The following F8 variants were observed in gnomAD, a reference collection of about 807,000 sequenced individuals.
F8 encodes the protein coagulation factor VIII.
In F8, 12 loss-of-function variants were observed where a neutral mutation model predicts 140.6. The ratio of observed to expected loss-of-function variants is 0.09; its 90% CI spans 0.05 to 0.14. F8 has a LOEUF of 0.14. F8 is among the 10% of genes least tolerant of loss of function. The pLI, the probability that F8 is intolerant of heterozygous loss-of-function variation, is 1.00. For synonymous variants in F8, 585 were observed against 614.6 expected (o/e 0.95, Z 0.71); for missense variants, 1,354 against 1,720.7 (o/e 0.79, Z 3.77).
chrX:154,872,585 A>G (rs993340018), intron 22 of F8, among the ~76,000 whole-genome samples: 1 of 110,874 alleles, frequency 9.0e-6, no homozygotes, highest in East Asian at 2.8e-4. Flanking sequence ...CATTAGGAGA[A>G]ATACCTAATG....
At chrX:154,852,733 C>CAA (rs138789441) in intron 25 of F8, among the ~76,000 whole-genome samples, 35 of 103,488 alleles carry the variant, frequency 3.4e-4, no homozygotes, top group African/African-American at 7.3e-4. Context: ...TTCTATTCCT[C>CAA]AAAAAAAAAA....
chrX:154,838,968 T>C (rs1051454928), intron 25 of F8, among the ~76,000 whole-genome samples: 26 of 74,759 alleles, frequency 3.5e-4, no homozygotes, highest in Non-Finnish European at 5.8e-4. Context: ...ATTTAATCGG[T>C]CTGTTCCCAC....
rs782489626 is a variant in F8 at position 154,837,705 on chromosome X, T to C, written c.6948A>G (p.Leu2316=). ...GGTAGCGAGTCAGTAACGGTGGGTCTAGAGAGTTCACCACAGGTGTGAAGG... is the reference window on the plus strand; with the variant it reads ...GGTAGCGAGTCAGTAACGGTGGGTCCAGAGAGTTCACCACAGGTGTGAAGG... ...QDSFTPVVNS[L]DPPLLTRYLR... Residue 2316 remains leucine, a synonymous_variant, in exon 26 of 26, where the codon CTA becomes CTG. Coordinates refer to ENST00000360256, the MANE Select transcript of F8 (RefSeq NM_000132.4). The C allele has an allele frequency of 5.8e-6, 7 of 1,211,509 alleles. No individual in the cohort carries two copies. The highest frequency in any genetic ancestry group is 6.7e-6 in the Non-Finnish European group (6 of 895,097).
chrX:155,002,381 G>T (rs782295566), intron 1 of F8, among the ~76,000 whole-genome samples: 1 of 111,973 alleles, frequency 8.9e-6, no homozygotes, highest in South Asian at 3.8e-4. Flanking sequence ...TGTCTGTGAT[G>T]ATGTTTCCAG....
intron 14 of F8, among the ~76,000 whole-genome samples, chrX:154,917,559 C>T (rs2073104370): frequency 8.9e-6 from 1 of 111,743 alleles, no homozygotes; most frequent in East Asian, 2.8e-4. Flanking sequence ...CTTGAAGGCC[C>T]ATGACTCTTA....
rs1420917157 is a variant in F8 at position 154,969,317 on chromosome X, A to G, written c.1009+14T>C. 1.7e-6 allele frequency: 2 copies of G among 1,177,079 alleles called. No homozygotes were observed. Among genetic ancestry groups the G allele is most frequent in the Non-Finnish European group, 2.3e-6 (2 of 865,233 alleles). Reference sequence around the variant, plus strand: ...GATATTTATAATATTCATTTTAAAGATCCAAGATATTACCATGTTGGTGGG... The same window carrying G: ...GATATTTATAATATTCATTTTAAAGGTCCAAGATATTACCATGTTGGTGGG... On this transcript the variant is annotated intron_variant, in intron 7 of 25. Coordinates refer to ENST00000360256, the MANE Select transcript of F8 (RefSeq NM_000132.4).
intron 7 of F8, among the ~76,000 whole-genome samples, chrX:154,967,057 C>T (rs2073429028): frequency 9.0e-6 from 1 of 111,508 alleles, no homozygotes; most frequent in Non-Finnish European, 1.9e-5. Flanking sequence ...TACAATTCAA[C>T]ATGAGATTTC....
rs60319431 is a variant in F8, at chrX:154,925,317, G to A, written c.5219+3254C>T. Among the ~76,000 whole-genome samples, 249 of 112,151 alleles carry A rather than the reference G, an allele frequency of 2.2e-3. 7 individuals are homozygous for A. The East Asian group carries it at 0.064, about 29-fold the overall frequency. On this transcript the variant is annotated intron_variant, in intron 14 of 25. Transcript: ENST00000360256. ...GGCCTTCATGTAGAAACTCTGCTAG[G>A]GCAGTGCAGAAGGGAAATGTGGGCT...
intron 1 of F8, among the ~76,000 whole-genome samples, chrX:155,006,384 T>C (rs1353705990): frequency 1.8e-5 from 1 of 54,526 alleles, no homozygotes; most frequent in East Asian, 5.3e-4. Context: ...AAAACGCATC[T>C]AGGCACACGT....
chrX:155,009,410 A>C (rs915228258), intron 1 of F8, among the ~76,000 whole-genome samples: 5 of 111,410 alleles, frequency 4.5e-5, no homozygotes, highest in Non-Finnish European at 9.4e-5. Flanking sequence ...AGGTATTTCA[A>C]CATAAGTTAC....
intron 21 of F8, among the ~76,000 whole-genome samples, chrX:154,897,029 G>A (rs190441792): frequency 1.9e-4 from 21 of 112,044 alleles, no homozygotes; most frequent in Non-Finnish European, 3.4e-4. Flanking sequence ...AGGGCCTGGC[G>A]CATACTAAAC....
In F8 at chrX:155,022,577, T is replaced by A; in HGVS notation, c.-25A>T. On this transcript the variant is annotated 5_prime_UTR_variant, in exon 1 of 26. Coordinates refer to ENST00000360256, the MANE Select transcript of F8 (RefSeq NM_000132.4). Reference sequence around the variant, plus strand: ...TGACTTATTGCTACAAATGTTCAACTGGAGAAGCAAAAGGTTAATTCTTCT... The same window carrying A: ...TGACTTATTGCTACAAATGTTCAACAGGAGAAGCAAAAGGTTAATTCTTCT... 1 of 1,212,008 alleles carries A rather than the reference T, an allele frequency of 8.3e-7. No individual in the cohort carries two copies. Among genetic ancestry groups the A allele is most frequent in the Non-Finnish European group, 1.1e-6 (1 of 895,440 alleles).
At position 154,906,501 on chromosome X, in the gene F8, C is replaced by T. The variant is rs5986891; in HGVS notation, c.5292G>A (p.Gln1764=). Residue 1764 remains glutamine (Q), a synonymous_variant, in exon 15 of 26, where the codon CAG becomes CAA. Transcript: ENST00000360256. ...FQEFTDGSFT[Q]PLYRGELNEH... ...CATTTAGTTCTCCACGGTATAAGGG[C>T]TGAGTAAAGGAGCCATCAGTAAATT... 2 of 1,210,040 alleles carry T rather than the reference C, an allele frequency of 1.7e-6. No individual in the cohort carries two copies. Among genetic ancestry groups the T allele is most frequent in the Non-Finnish European group, 2.2e-6 (2 of 894,177 alleles).
chrX:154,841,610 C>G (rs2072522546), intron 25 of F8, among the ~76,000 whole-genome samples: 1 of 111,274 alleles, frequency 9.0e-6, no homozygotes, highest in Non-Finnish European at 1.9e-5. Context: ...GATTTTCTAT[C>G]TATGCCATCA....
At chrX:154,927,004 A>T (rs2073164666) in intron 14 of F8, among the ~76,000 whole-genome samples, 1 of 111,644 alleles carries the variant, frequency 9.0e-6, no homozygotes, top group Non-Finnish European at 1.9e-5. Context: ...AAAGATTGGC[A>T]GTAAGTTTAG....
intron 25 of F8, among the ~76,000 whole-genome samples, chrX:154,844,603 G>C (rs1261027388): frequency 1.8e-5 from 2 of 110,539 alleles, no homozygotes; most frequent in Non-Finnish European, 1.9e-5. Flanking sequence ...GTCTGTTGTT[G>C]GTGTATAAGA....
chrX:154,938,900 T>TAA (rs2073239123), intron 13 of F8, among the ~76,000 whole-genome samples: 1 of 109,866 alleles, frequency 9.1e-6, no homozygotes, highest in African/African-American at 3.3e-5. Context: ...TATATATATA[T>TAA]AAATGATATT....
At position 154,943,987 on chromosome X, in the gene F8, A is replaced by T. The variant is rs10482468; in HGVS notation, c.2113+3711T>A. On this transcript the variant is annotated intron_variant, in intron 13 of 25. Coordinates refer to ENST00000360256, the MANE Select transcript of F8 (RefSeq NM_000132.4). ...CCATATGTAGAAAGCTGAAACTGGA[A>T]CCCTTCCTTACACCTTATACTAAAA... 9.9e-3 allele frequency among the ~76,000 whole-genome samples: 1,099 copies of T among 111,456 alleles called. 12 individuals are homozygous for T. Among genetic ancestry groups the T allele is most frequent in the African/African-American group, 0.034 (1,041 of 30,596 alleles).
chrX:154,861,625 G>T, intron 24 of F8, 93 bp downstream of exon 24: 1 of 1,073,822 alleles, frequency 9.3e-7, no homozygotes, highest in Non-Finnish European at 1.3e-6. Context: ...ACAGTTGACA[G>T]AAATACCTCA....
Sources: gnomAD v4.1 joint callset for allele counts (sites outside exome capture counted in the v4.1 genomes callset) on GRCh38, gnomAD v4.1.1 for gene constraint, MANE v1.5 for transcripts, NCBI Gene and HGNC (gene_info 2026-07-23, HGNC 2026-07-21) for gene names.